The following SMG6 variants were observed in gnomAD, a reference collection of about 807,000 sequenced individuals.
SMG6 encodes SMG6 nonsense mediated mRNA decay factor, also known as telomerase-binding protein EST1A.
A neutral mutation model predicts 142.2 loss-of-function variants in SMG6; 66 were observed. The ratio of observed to expected loss-of-function variants is 0.46; its 90% CI spans 0.38 to 0.57. The LOEUF (loss-of-function observed/expected upper bound fraction) is 0.57. Among genes scored for constraint, SMG6 ranks in the 20% least tolerant of loss-of-function variants. The pLI is 0.00. For missense variants in SMG6, 1,793 were observed against 1,832.0 expected, an observed-to-expected ratio of 0.98 and a Z score of 0.39; for synonymous variants, 779 against 702.4, an observed-to-expected ratio of 1.11 and a Z score of -1.72.
chr17:2,127,438 T>A, intron 13 of SMG6: 1 of 828,290 alleles, frequency 1.2e-6, no homozygotes, highest in Non-Finnish European at 2.0e-6. Context: ...GATCCACAGG[T>A]GATAAAATCC....
At chr17:2,235,188 G>A (rs963617411) in intron 10 of SMG6, among the ~76,000 whole-genome samples, 4 of 152,168 alleles carry the variant, frequency 2.6e-5, no homozygotes, top group Non-Finnish European at 5.9e-5. Context: ...TGCTTCCTCA[G>A]GGCCATTTAC....
rs540382580 is a variant in SMG6, at chr17:2,246,924, C to A, written c.2662-2205G>T. 1.3e-3 allele frequency among the ~76,000 whole-genome samples: 191 copies of A among 152,226 alleles called. 3 individuals are homozygous for A. Among genetic ancestry groups the A allele is most frequent in the African/African-American group, 4.2e-3 (175 of 41,530 alleles). On this transcript the variant is annotated intron_variant, in intron 8 of 18. Coordinates refer to ENST00000263073, the MANE Select transcript of SMG6 (RefSeq NM_017575.5). ...TCATACCATTGCACTCCAGCCTGGA[C>A]AACAAAGAGCGAAACTCTGTCTCAA...
At chr17:2,250,567 TG>T (rs1292926930) in intron 8 of SMG6, among the ~76,000 whole-genome samples, 27 of 151,970 alleles carry the variant, frequency 1.8e-4, no homozygotes, top group Admixed American at 1.8e-3. Flanking sequence ...TTTTATTTTT[TG>T]TAGAGACGGG....
rs985670912 is a variant in SMG6, at chr17:2,126,725, A to G, written c.3358-40824T>C. 5.7e-4 allele frequency among the ~76,000 whole-genome samples: 86 copies of G among 151,730 alleles called. 2 individuals are homozygous for G. The South Asian group carries it at 0.017, about 31-fold the overall frequency. The stretch of plus-strand genomic sequence containing the variant: ...AGTGAGGCTCAGTTTCAAAAAAAAA[A>G]AAAAAAAAGCAAACTGGACTTTATC... On this transcript the variant is annotated intron_variant, in intron 13 of 18. Transcript: ENST00000263073.
chr17:2,164,475 G>C (rs1019026727), intron 13 of SMG6, among the ~76,000 whole-genome samples: 3 of 151,734 alleles, frequency 2.0e-5, no homozygotes, highest in Admixed American at 6.6e-5. Flanking sequence ...GGGCGTGGTG[G>C]CATGCACTTG....
chr17:2,163,326 A>G (rs1315989021), intron 13 of SMG6, among the ~76,000 whole-genome samples: 1 of 152,038 alleles, frequency 6.6e-6, no homozygotes, highest in African/African-American at 2.4e-5. Flanking sequence ...AGCTAGGACC[A>G]CAGACGGAGG....
chr17:2,222,604 A>C (rs1006020734), intron 10 of SMG6, among the ~76,000 whole-genome samples: 2 of 139,614 alleles, frequency 1.4e-5, no homozygotes, highest in Non-Finnish European at 3.0e-5. Flanking sequence ...CCTTGTAAAT[A>C]ATGTGGCTTT....
chr17:2,184,960 CAAAAAAAAAAA>C (rs58230459), intron 12 of SMG6, among the ~76,000 whole-genome samples: 13 of 22,476 alleles, frequency 5.8e-4, no homozygotes, highest in South Asian at 4.2e-3. Context: ...GACTCCATCT[CAAAAAAAAAAA>C]AAAAAAAAAA....
intron 6 of SMG6, among the ~76,000 whole-genome samples, chr17:2,288,062 C>G (rs937312937): frequency 6.6e-6 from 1 of 152,098 alleles, no homozygotes; most frequent in Non-Finnish European, 1.5e-5. Context: ...GCCTGTAATC[C>G]CAGCACTTTC....
chr17:2,181,101 CCT>C (rs1567663579), intron 12 of SMG6, among the ~76,000 whole-genome samples: 1 of 152,176 alleles, frequency 6.6e-6, no homozygotes, highest in Non-Finnish European at 1.5e-5. Flanking sequence ...AAAAGAAAAG[CCT>C]CTTCAATCTG....
intron 15 of SMG6, among the ~76,000 whole-genome samples, chr17:2,080,960 A>G (rs1260515616): frequency 6.6e-6 from 1 of 152,218 alleles, no homozygotes; most frequent in Admixed American, 6.5e-5. Context: ...CAGATGAGGA[A>G]ACAGGCTCTG....
At chr17:2,221,361 T>TCCTGC (rs1261235243) in intron 10 of SMG6, among the ~76,000 whole-genome samples, 1 of 152,178 alleles carries the variant, frequency 6.6e-6, no homozygotes, top group Non-Finnish European at 1.5e-5. Flanking sequence ...ACTCTCTTCC[T>TCCTGC]CCTGCTCCAG....
chr17:2,157,946 C>A (rs879857233), intron 13 of SMG6, among the ~76,000 whole-genome samples: 5 of 152,158 alleles, frequency 3.3e-5, no homozygotes, highest in Non-Finnish European at 7.3e-5. Context: ...TAGAACCTGG[C>A]CCAGGTGCAT....
intron 13 of SMG6, among the ~76,000 whole-genome samples, chr17:2,118,600 T>A (rs935967592): frequency 8.8e-5 from 12 of 136,340 alleles, no homozygotes; most frequent in Non-Finnish European, 1.5e-4. Context: ...CTAGATAGCT[T>A]TTTTTTTTTT....
intron 13 of SMG6, among the ~76,000 whole-genome samples, chr17:2,167,857 A>T (rs1038547107): frequency 6.6e-6 from 1 of 152,196 alleles, no homozygotes; most frequent in Non-Finnish European, 1.5e-5. Flanking sequence ...GGAAATGTTT[A>T]TATTTTTCAA....
intron 13 of SMG6, among the ~76,000 whole-genome samples, chr17:2,151,508 T>A (rs966286376): frequency 2.0e-5 from 3 of 152,172 alleles, no homozygotes; most frequent in African/African-American, 7.2e-5. Flanking sequence ...TTCACCAGGC[T>A]CCACTGTCCT....
intron 13 of SMG6, among the ~76,000 whole-genome samples, chr17:2,162,223 CA>C (rs753150308): frequency 6.6e-6 from 1 of 151,914 alleles, no homozygotes; most frequent in Non-Finnish European, 1.5e-5. Flanking sequence ...TGTTAAAAAG[CA>C]AAAATTGGCC....
chr17:2,220,153 G>A (rs1448106691), intron 10 of SMG6, among the ~76,000 whole-genome samples: 3 of 152,076 alleles, frequency 2.0e-5, no homozygotes, highest in Non-Finnish European at 4.4e-5. Flanking sequence ...AAACTCCTGG[G>A]CTCAAGTGAT....
chr17:2,217,091 CAAGG>C (rs2073040565), intron 10 of SMG6, among the ~76,000 whole-genome samples: 1 of 152,134 alleles, frequency 6.6e-6, no homozygotes, highest in Non-Finnish European at 1.5e-5. Context: ...ATTCCATCCA[CAAGG>C]TACTGGACGT....
Sources: gnomAD v4.1 joint callset for allele counts (sites outside exome capture counted in the v4.1 genomes callset) on GRCh38, gnomAD v4.1.1 for gene constraint, MANE v1.5 for transcripts, NCBI Gene and HGNC (gene_info 2026-07-23, HGNC 2026-07-21) for gene names.